The following SHROOM3 variants were observed in gnomAD, a reference collection of about 807,000 sequenced individuals.
SHROOM3 encodes protein Shroom3.
SHROOM3 carries 47 observed loss-of-function variants against 138.6 expected under a neutral mutation model. The ratio of observed to expected loss-of-function variants is 0.34; its 90% CI spans 0.27 to 0.43. SHROOM3 has a LOEUF of 0.43. Among genes scored for constraint, SHROOM3 ranks in the 20% least tolerant of loss-of-function variants. The pLI is 1.00. For synonymous variants in SHROOM3, 1,062 were observed against 1,063.3 expected, an observed-to-expected ratio of 1.00 and a Z score of 0.02; for missense variants, 2,491 against 2,596.5, an observed-to-expected ratio of 0.96 and a Z score of 0.88.
chr4:76,507,129 C>T (rs2110002711), intron 1 of SHROOM3, among the ~76,000 whole-genome samples: 1 of 152,204 alleles, frequency 6.6e-6, no homozygotes, highest in African/African-American at 2.4e-5. Context: ...TATCACATAA[C>T]TTTATGCAAC....
At chr4:76,722,954 T>C (rs1377262308) in intron 3 of SHROOM3, among the ~76,000 whole-genome samples, 1 of 151,970 alleles carries the variant, frequency 6.6e-6, no homozygotes, top group Non-Finnish European at 1.5e-5. Context: ...GTAGTCTGAG[T>C]ATATTTTGTA....
rs1721739113 is a variant in SHROOM3 at position 76,754,540 on chromosome 4, C to A, written c.4057C>A (p.Pro1353Thr). 7 of 1,613,622 alleles carry A rather than the reference C, an allele frequency of 4.3e-6. No individual in the cohort carries two copies. The highest frequency in any genetic ancestry group is 5.9e-6 in the Non-Finnish European group (7 of 1,179,620). ...AGACACCAGGGCTGCACCCCTGACC[C>A]CAATTGGCACCCCTCTGCCTTCAGC... Reference protein sequence around the residue: ...VTDTRAAPLTPIGTPLPSAIP... With the variant: ...VTDTRAAPLTTIGTPLPSAIP... Residue 1353 changes from proline to threonine, a missense_variant, in exon 7 of 11, where the codon CCA (proline) becomes ACA (threonine). Transcript: ENST00000296043.
At chr4:76,606,007 A>ATATTTTTT (rs1734611107) in intron 2 of SHROOM3, among the ~76,000 whole-genome samples, 1 of 77,832 alleles carries the variant, frequency 1.3e-5, no homozygotes. Context: ...ATATATATAT[A>ATATTTTTT]TTTTTTTTTT....
intron 1 of SHROOM3, among the ~76,000 whole-genome samples, chr4:76,490,319 C>A (rs1042274319): frequency 6.6e-6 from 1 of 152,148 alleles, no homozygotes; most frequent in South Asian, 2.1e-4. Flanking sequence ...AAGACTTGAC[C>A]GGCAATCAGT....
In SHROOM3 at chr4:76,560,953, T is replaced by TCTACTG. The variant is rs1577885981; in HGVS notation, c.323+5190_323+5191insCTACTG. 2.6e-5 allele frequency among the ~76,000 whole-genome samples: 4 copies of TCTACTG among 152,350 alleles called. No homozygotes were observed. The South Asian group carries it at 8.3e-4, about 32-fold the overall frequency. On this transcript the variant is annotated intron_variant, in intron 2 of 10. Transcript: ENST00000296043. ...TGGGTATGGTATTTAGTACAGTTAT[T>TCTACTG]AAATCATGAATCTACTGAAAACAAG...
intron 1 of SHROOM3, among the ~76,000 whole-genome samples, chr4:76,533,418 C>T (rs1228901042): frequency 6.6e-6 from 1 of 152,180 alleles, no homozygotes; most frequent in African/African-American, 2.4e-5. Flanking sequence ...AACTCAATGG[C>T]AGATGTCACT....
At chr4:76,583,827 T>C (rs998892937) in intron 2 of SHROOM3, among the ~76,000 whole-genome samples, 11 of 152,228 alleles carry the variant, frequency 7.2e-5, no homozygotes, top group African/African-American at 2.7e-4. Flanking sequence ...AACTGTAGGT[T>C]GGAACCACAT....
At chr4:76,601,692 C>T (rs1213460987) in intron 2 of SHROOM3, among the ~76,000 whole-genome samples, 2 of 152,104 alleles carry the variant, frequency 1.3e-5, no homozygotes, top group East Asian at 3.9e-4. Flanking sequence ...TTAGTAGAGA[C>T]AGGATTTCAC....
At chr4:76,720,878 G>A (rs1289718857) in intron 3 of SHROOM3, among the ~76,000 whole-genome samples, 1 of 151,640 alleles carries the variant, frequency 6.6e-6, no homozygotes, top group Non-Finnish European at 1.5e-5. Context: ...CCAAAGTGCT[G>A]AGATTACAGG....
chr4:76,630,497 TA>T (rs1735283855), intron 2 of SHROOM3, among the ~76,000 whole-genome samples: 1 of 152,222 alleles, frequency 6.6e-6, no homozygotes, highest in Admixed American at 6.5e-5. Flanking sequence ...AGGCGAAGTC[TA>T]GCAGACCTGC....
At chr4:76,459,388 T>C (rs921737491) in intron 1 of SHROOM3, among the ~76,000 whole-genome samples, 1 of 152,198 alleles carries the variant, frequency 6.6e-6, no homozygotes, top group Admixed American at 6.5e-5. Flanking sequence ...GCCGAATAGT[T>C]GGGATTTTTT....
At position 76,740,897 on chromosome 4, in the gene SHROOM3, C is replaced by G; in HGVS notation, c.2724C>G (p.Pro908=). ...GGGAGCCCGAGTGGCGGGACAGGCC[C>G]GGCTCGCCCGAATCGCCCCTGCTGG... ...PEREPEWRDR[P]GSPESPLLDA... Residue 908 remains proline (P), a synonymous_variant, in exon 5 of 11, where the codon CCC becomes CCG. Coordinates refer to ENST00000296043, the MANE Select transcript of SHROOM3 (RefSeq NM_020859.4). This position sits in a 1 kb window ranked among gnomAD's most constrained non-coding sequence, Gnocchi z 4.0. 1 of 1,511,650 alleles carries G rather than the reference C, an allele frequency of 6.6e-7. No homozygotes were observed. 93.6% of individuals were successfully genotyped at this position (1,511,650 alleles called of 1,614,324 possible). A position where few individuals can be genotyped will look rare whatever the true frequency, so the allele number is the denominator to read the frequency against.
At chr4:76,561,998 C>G (rs755739547) in intron 2 of SHROOM3, among the ~76,000 whole-genome samples, 2 of 151,716 alleles carry the variant, frequency 1.3e-5, no homozygotes, top group African/African-American at 4.8e-5. Context: ...GCAACAAGAG[C>G]GAAACTCTGT....
intron 2 of SHROOM3, among the ~76,000 whole-genome samples, chr4:76,630,873 G>A (rs1735296084): frequency 6.6e-6 from 1 of 152,154 alleles, no homozygotes; most frequent in Non-Finnish European, 1.5e-5. Flanking sequence ...TAGCTATTGT[G>A]AATTATGTGG....
intron 1 of SHROOM3, among the ~76,000 whole-genome samples, chr4:76,471,872 C>G (rs554440517): frequency 6.6e-6 from 1 of 150,418 alleles, no homozygotes; most frequent in South Asian, 2.1e-4. Context: ...ATCAGAGTTA[C>G]CTAGGAAGAG....
At chr4:76,771,041 C>A in intron 10 of SHROOM3, 143 bp downstream of exon 10, 1 of 1,105,576 alleles carries the variant, frequency 9.0e-7, no homozygotes, top group Non-Finnish European at 1.4e-6. Flanking sequence ...TATAGGTAAC[C>A]AAGAAACAGA....
chr4:76,454,378 C>T (rs1730986053), intron 1 of SHROOM3, among the ~76,000 whole-genome samples: 1 of 152,142 alleles, frequency 6.6e-6, no homozygotes, highest in South Asian at 2.1e-4. Flanking sequence ...AAGGGTCCAA[C>T]TTTATTATTT....
intron 1 of SHROOM3, among the ~76,000 whole-genome samples, chr4:76,473,292 T>C (rs986400223): frequency 4.6e-5 from 7 of 152,212 alleles, no homozygotes; most frequent in African/African-American, 1.7e-4. Flanking sequence ...GTATCTAGAC[T>C]ATATGAAGAA....
intron 3 of SHROOM3, among the ~76,000 whole-genome samples, chr4:76,722,168 G>A (rs1296617155): frequency 6.6e-6 from 1 of 151,842 alleles, no homozygotes; most frequent in African/African-American, 2.4e-5. Context: ...AATACATGAG[G>A]AAAAATGGGG....
Sources: allele counts gnomAD v4.1 joint callset (sites outside exome capture counted in the v4.1 genomes callset), GRCh38; gene constraint gnomAD v4.1.1; non-coding constraint Gnocchi (gnomAD v3.1); transcripts MANE v1.5; gene names NCBI Gene and HGNC (gene_info 2026-07-23, HGNC 2026-07-21).